The following SEZ6L variants were observed in gnomAD, a reference collection of about 807,000 sequenced individuals.
The protein encoded by SEZ6L is seizure 6-like protein.
SEZ6L carries 37 observed loss-of-function variants against 106.2 expected under a neutral mutation model. The observed-to-expected ratio is 0.35, with a 90% CI of 0.27 to 0.46. The LOEUF (loss-of-function observed/expected upper bound fraction) is 0.46. SEZ6L is among the 20% of genes least tolerant of loss of function. SEZ6L has a pLI of 1.00. For missense variants in SEZ6L, 1,172 were observed against 1,332.8 expected, an observed-to-expected ratio of 0.88 and a Z score of 1.88; for synonymous variants, 541 against 570.4, an observed-to-expected ratio of 0.95 and a Z score of 0.73.
Position 26,292,728 on chromosome 22 carries a change from A to G in SEZ6L, c.417A>G (p.Ala139=), listed in dbSNP as rs774275488. 6.2e-7 allele frequency: 1 copy of G among 1,614,000 alleles called. No individual in the cohort carries two copies. The highest frequency in any genetic ancestry group is 1.7e-5 in the Admixed American group (1 of 60,026). Residue 139 remains alanine (A), a synonymous_variant, in exon 2 of 17, where the codon GCA becomes GCG. Coordinates refer to ENST00000248933, the MANE Select transcript of SEZ6L (RefSeq NM_021115.5). ...RKQLRPKATS[A]ATVQRAGSQP... is the part of the protein sequence containing the mutation. ...AGCTGAGGCCCAAGGCCACCTCCGCAGCCACTGTCCAAAGGGCAGGGTCCC... is the reference window on the plus strand; with the variant it reads ...AGCTGAGGCCCAAGGCCACCTCCGCGGCCACTGTCCAAAGGGCAGGGTCCC...
chr22:26,348,644 GAA>G (rs374096936), intron 11 of SEZ6L, among the ~76,000 whole-genome samples: 471 of 11,882 alleles, frequency 0.04, 1 homozygote, highest in African/African-American at 0.046. Flanking sequence ...AAGAAAGAAA[GAA>G]AAAGAAAGAA....
chr22:26,348,812 A>AGG (rs2083170153), intron 11 of SEZ6L, among the ~76,000 whole-genome samples: 1 of 10,634 alleles, frequency 9.4e-5, no homozygotes. Flanking sequence ...AGGGAAGGGG[A>AGG]GAGAAGAGAG....
chr22:26,217,852 G>T (rs954357899), intron 1 of SEZ6L, among the ~76,000 whole-genome samples: 25 of 152,240 alleles, frequency 1.6e-4, no homozygotes, highest in African/African-American at 5.8e-4. Context: ...GATGGAAGGC[G>T]AAGTGCCTGG....
chr22:26,169,536 C>T lies in SEZ6L; in HGVS notation c.-134C>T, dbSNP rs1938420069. ...GAGCGCGCGTCCGCCCAGGGGGCTCCGGAAGCTGCCCCGGCCCGCGGCCTC... is the reference window on the plus strand; with the variant it reads ...GAGCGCGCGTCCGCCCAGGGGGCTCTGGAAGCTGCCCCGGCCCGCGGCCTC... On this transcript the variant is annotated 5_prime_UTR_variant, in exon 1 of 17. Coordinates refer to ENST00000248933, the MANE Select transcript of SEZ6L (RefSeq NM_021115.5). The T allele has an allele frequency of 5.1e-6, 2 of 390,036 alleles. No individual in the cohort carries two copies. The highest frequency in any genetic ancestry group is 8.3e-5 in the South Asian group (1 of 12,020). The allele number at this position is 390,036 out of a possible 1,614,324, so 24.2% of individuals were successfully genotyped here.
chr22:26,233,128 C>T (rs1025135198), intron 1 of SEZ6L, among the ~76,000 whole-genome samples: 3 of 152,250 alleles, frequency 2.0e-5, no homozygotes, highest in Non-Finnish European at 2.9e-5. Flanking sequence ...TCACAGCAAT[C>T]GTCCCTAATC....
intron 1 of SEZ6L, among the ~76,000 whole-genome samples, chr22:26,206,079 C>T (rs1244487291): frequency 6.6e-6 from 1 of 152,348 alleles, no homozygotes; most frequent in African/African-American, 2.4e-5. Context: ...GCAACTCCTT[C>T]ACTCTACAAA....
intron 9 of SEZ6L, among the ~76,000 whole-genome samples, chr22:26,324,862 C>G (rs916927969): frequency 7.9e-5 from 12 of 152,222 alleles, no homozygotes; most frequent in Non-Finnish European, 1.5e-5. Context: ...GTATAACAAA[C>G]CACCCCAAAT....
chr22:26,229,395 T>C (rs1286103453), intron 1 of SEZ6L, among the ~76,000 whole-genome samples: 1 of 152,218 alleles, frequency 6.6e-6, no homozygotes. Flanking sequence ...AAATGTGCAA[T>C]TTATTATATG....
intron 1 of SEZ6L, among the ~76,000 whole-genome samples, chr22:26,235,790 G>A (rs1048451829): frequency 6.6e-6 from 1 of 152,228 alleles, no homozygotes. Context: ...GGGTAGAATA[G>A]AGGACTCTCC....
In SEZ6L at chr22:26,377,746, G is replaced by A; in HGVS notation, c.3016G>A (p.Glu1006Lys). The A allele has an allele frequency of 1.9e-6, 3 of 1,613,716 alleles. No individual in the cohort carries two copies. Among genetic ancestry groups the A allele is most frequent in the Non-Finnish European group, 2.5e-6 (3 of 1,179,738 alleles). Reference sequence around the variant, plus strand: ...CTACAGCCAGATCACCGTGGAAACCGAGTTTGACAACCCCATTTACGAGAC... The same window carrying A: ...CTACAGCCAGATCACCGTGGAAACCAAGTTTGACAACCCCATTTACGAGAC... Reference protein sequence around the residue: ...HPYSQITVETEFDNPIYETGE... With the variant: ...HPYSQITVETKFDNPIYETGE... The change falls in exon 16 of 17, where the codon GAG (glutamate) becomes AAG (lysine). Residue 1006 changes from glutamate to lysine, a missense_variant. By Grantham distance (56) the Glu-to-Lys change is moderately conservative (BLOSUM62 1). Transcript: ENST00000248933.
intron 1 of SEZ6L, among the ~76,000 whole-genome samples, chr22:26,212,143 T>C (rs2078179075): frequency 6.6e-6 from 1 of 152,088 alleles, no homozygotes. Context: ...ACGCAGAGTT[T>C]AAGGAATTAG....
intron 1 of SEZ6L, among the ~76,000 whole-genome samples, chr22:26,184,810 G>A (rs573529640): frequency 2.6e-5 from 4 of 152,204 alleles, no homozygotes; most frequent in African/African-American, 4.8e-5. Context: ...GCCAGCTGTG[G>A]TGGCTCACGC....
intron 11 of SEZ6L, among the ~76,000 whole-genome samples, chr22:26,348,660 A>G (rs1281529817): frequency 3.2e-5 from 2 of 61,936 alleles, no homozygotes; most frequent in African/African-American, 8.1e-5. Context: ...GAAAGAAAGA[A>G]AGAAAGAAAG....
At chr22:26,297,984 T>C (rs1308000848) in intron 4 of SEZ6L, among the ~76,000 whole-genome samples, 2 of 152,104 alleles carry the variant, frequency 1.3e-5, no homozygotes, top group Non-Finnish European at 2.9e-5. Flanking sequence ...GAATGGAAAG[T>C]GGATTCGTGA....
chr22:26,196,150 G>T (rs1329870454), intron 1 of SEZ6L, among the ~76,000 whole-genome samples: 2 of 152,146 alleles, frequency 1.3e-5, no homozygotes, highest in Non-Finnish European at 2.9e-5. Flanking sequence ...TCATGATAGT[G>T]AGTGAGTTCT....
At chr22:26,285,541 C>G (rs1441489406) in intron 1 of SEZ6L, among the ~76,000 whole-genome samples, 1 of 152,212 alleles carries the variant, frequency 6.6e-6, no homozygotes, top group African/African-American at 2.4e-5. Flanking sequence ...CAGGAAACAT[C>G]TGGCAGTGTT....
At chr22:26,356,687 T>TG (rs2083447033) in intron 12 of SEZ6L, among the ~76,000 whole-genome samples, 1 of 116,458 alleles carries the variant, frequency 8.6e-6, no homozygotes, top group African/African-American at 3.0e-5. Flanking sequence ...ATAATAATAA[T>TG]AATAATGACA....
At chr22:26,247,167 A>G (rs2079383841) in intron 1 of SEZ6L, among the ~76,000 whole-genome samples, 2 of 152,224 alleles carry the variant, frequency 1.3e-5, no homozygotes, top group African/African-American at 4.8e-5. Flanking sequence ...AGATTCAAGT[A>G]AACAAAGGGC....
Position 26,197,163 on chromosome 22 carries a change from T to G in SEZ6L, c.94+27400T>G, listed in dbSNP as rs78210874. 2.5e-4 allele frequency among the ~76,000 whole-genome samples: 38 copies of G among 152,120 alleles called. 2 individuals carry two copies. Among genetic ancestry groups the G allele is most frequent in the Admixed American group, 2.4e-3 (37 of 15,284 alleles). On this transcript the variant is annotated intron_variant, in intron 1 of 16. Transcript: ENST00000248933. ...CAATCAGAATTATTTGTTTTTTTTT[T>G]CTTGTTATTTATTTCTTTTCATTTT...
Sources: allele counts gnomAD v4.1 joint callset (sites outside exome capture counted in the v4.1 genomes callset), GRCh38; gene constraint gnomAD v4.1.1; transcripts MANE v1.5; gene names NCBI Gene and HGNC (gene_info 2026-07-23, HGNC 2026-07-21).